The following DLX5 variants were observed in gnomAD, a reference collection of about 807,000 sequenced individuals.
DLX5 encodes distal-less homeobox 5, also known as homeobox protein DLX-5.
Under a neutral mutation model 27.1 loss-of-function variants are expected in DLX5, and 8 were observed. That is an observed-to-expected ratio of 0.30 (90% CI 0.17 to 0.53). The LOEUF (loss-of-function observed/expected upper bound fraction) is 0.53. DLX5 is among the 20% of genes least tolerant of loss of function. The pLI is 0.95. For synonymous variants in DLX5, 178 were observed against 161.9 expected (o/e 1.10, Z -0.75); for missense variants, 339 against 375.1 (o/e 0.90, Z 0.80).
At chr7:97,021,998 G>A in intron 2 of DLX5, 187 bp downstream of exon 2, 1 of 693,668 alleles carries the variant, frequency 1.4e-6, no homozygotes, top group Non-Finnish European at 2.4e-6. Context: ...CCAGACCGCT[G>A]ATGAATACCA....
chr7:97,020,813 T>C lies in DLX5; in HGVS notation c.793A>G (p.Ser265Gly), dbSNP rs1562795806. ...GGCGGCAGGTGGGAATTGATTGAGC[T>C]GGCTGCACTTGTGTACCAGGATGCA... is the stretch of plus-strand genomic sequence containing the variant. ...NSASWYTSAA[S>G]SINSHLPPPG... The change falls in exon 3 of 3, where the codon AGC becomes GGC. Residue 265 changes from serine (S) to glycine (G), a missense_variant. Physicochemically the swap from Ser to Gly is moderately conservative, Grantham distance 56. Coordinates refer to ENST00000648378, the MANE Select transcript of DLX5 (RefSeq NM_005221.6). 1.2e-6 allele frequency: 2 copies of C among 1,613,256 alleles called. No homozygotes were observed. The highest frequency in any genetic ancestry group is 1.1e-5 in the South Asian group (1 of 91,026).
In DLX5 at chr7:97,022,030, A is replaced by G. The variant is rs1790077108; in HGVS notation, c.540+155T>C. On this transcript the variant is annotated intron_variant, in intron 2 of 2. Transcript: ENST00000648378. ...ACCATCCCCACCGTCTCAAGGCCTG[A>G]CTCACCGAGTTAAAGCATAGGGGCT... 3 of 847,390 alleles carry G rather than the reference A, an allele frequency of 3.5e-6. No individual in the cohort carries two copies. In the East Asian group the frequency reaches 7.8e-5, roughly 22 times the overall value. The allele number at this position is 847,390 out of a possible 1,614,324, so 52.5% of individuals were successfully genotyped here.
chr7:97,021,127 G>T, intron 2 of DLX5, 62 bp from the exon 3 acceptor site: 1 of 1,497,156 alleles, frequency 6.7e-7, no homozygotes, highest in Non-Finnish European at 9.0e-7. Flanking sequence ...CGCCTTCCCC[G>T]GGGCGGCGAC....
intron 1 of DLX5, among the ~76,000 whole-genome samples, chr7:97,023,628 GA>G (rs930581827): frequency 5.3e-5 from 8 of 151,088 alleles, no homozygotes; most frequent in African/African-American, 1.7e-4. Flanking sequence ...TATGGAGACA[GA>G]AAAAAAAATC....
rs1158529227 is a variant in DLX5 at position 97,020,624 on chromosome 7, A to G, written c.*112T>C. ...TTACATGCAAAAAAAAGCTTTACAC[A>G]TGAATCTTTTTCAGTTTTCCGAACT... On this transcript the variant is annotated 3_prime_UTR_variant, in exon 3 of 3. Coordinates refer to ENST00000648378, the MANE Select transcript of DLX5 (RefSeq NM_005221.6). 1 of 1,133,650 alleles carries G rather than the reference A, an allele frequency of 8.8e-7. No homozygotes were observed. Among genetic ancestry groups the G allele is most frequent in the Non-Finnish European group, 1.2e-6 (1 of 837,000 alleles). 70.2% of individuals were successfully genotyped at this position (1,133,650 alleles called of 1,614,324 possible).
In DLX5 at chr7:97,020,846, C is replaced by G. The variant is rs199725569; in HGVS notation, c.760G>C (p.Glu254Gln). Residue 254 changes from glutamate (E) to glutamine (Q), a missense_variant, in exon 3 of 3, where the codon GAG (glutamate) becomes CAG (glutamine). This residue lies in a region of DLX5 where 136 missense variants were observed against 130.3 expected (regional missense o/e 1.04). Coordinates refer to ENST00000648378, the MANE Select transcript of DLX5 (RefSeq NM_005221.6). The stretch of plus-strand genomic sequence containing the variant: ...CTTGTGTACCAGGATGCAGAGTTCT[C>G]CAGGTAGCTGGACGCTGGGGACTGG... Reference protein sequence around the residue: ...SNQSPASSYLENSASWYTSAA... With the variant: ...SNQSPASSYLQNSASWYTSAA... 40 of 1,614,028 alleles carry G rather than the reference C, an allele frequency of 2.5e-5. No individual in the cohort carries two copies. The highest frequency in any genetic ancestry group is 3.0e-5 in the Non-Finnish European group (35 of 1,180,028).
rs1273414114 is a variant in DLX5, at chr7:97,024,743, AGAG to A, written c.-123_-121del. On this transcript the variant is annotated 5_prime_UTR_variant, in exon 1 of 3. Transcript: ENST00000648378. This position sits in a 1 kb window ranked among gnomAD's most constrained non-coding sequence, Gnocchi z 4.6. ...CTGTGGGAGCGAGGGAGGAGGAGGA[AGAG>A]GAGGAGGAGAGAAGGAGGAGGCGGC... 9.8e-5 allele frequency: 87 copies of A among 884,848 alleles called. No individual in the cohort carries two copies. The highest frequency in any genetic ancestry group is 9.6e-4 in the South Asian group (55 of 57,266). 54.8% of individuals were successfully genotyped at this position (884,848 alleles called of 1,614,324 possible). A position where few individuals can be genotyped will look rare whatever the true frequency, so the allele number is the denominator to read the frequency against.
In DLX5 at chr7:97,024,577, T is replaced by C. The variant is rs1209966732; in HGVS notation, c.47A>G (p.Asp16Gly). 5 of 1,607,820 alleles carry C rather than the reference T, an allele frequency of 3.1e-6. No homozygotes were observed. The highest frequency in any genetic ancestry group is 2.2e-5 in the East Asian group (1 of 44,648). The change falls in exon 1 of 3, where the codon GAC becomes GGC. Residue 16 changes from aspartate to glycine, a missense_variant. By Grantham distance (94) the Asp-to-Gly change is moderately conservative. This residue lies in a region of DLX5 where 188 missense variants were observed against 206.1 expected (regional missense o/e 0.91). Transcript: ENST00000648378. The surrounding 1 kb of genome is among the most constrained non-coding windows in gnomAD (Gnocchi z 4.6). ...DRRVPSIRSG[D>G]FQAPFQTSAA... ...GGACGTCTGGAACGGAGCTTGGAAG[T>C]CGCCGGATCGGATGCTGGGGACCCT...
Position 97,024,353 on chromosome 7 carries a change from C to T in DLX5, c.271G>A (p.Ala91Thr). The change falls in exon 1 of 3, where the codon GCT becomes ACT. Residue 91 changes from alanine to threonine, a missense_variant. Ala to Thr is a moderately conservative substitution (Grantham distance 58). Around this residue, in one of 3 missense-constraint regions of DLX5, gnomAD observed 188 missense variants for 206.1 expected, o/e 0.91. Coordinates refer to ENST00000648378, the MANE Select transcript of DLX5 (RefSeq NM_005221.6). This position sits in a 1 kb window ranked among gnomAD's most constrained non-coding sequence, Gnocchi z 4.6. ...CTAGCGTAGCTATAGTCGGCATAAG[C>T]TTTGGCTGGGTAGCTCCCGGCGGAG... ...NGSAGSYPAK[A>T]YADYSYASSY... 6.2e-7 allele frequency: 1 copy of T among 1,614,254 alleles called. No individual in the cohort carries two copies. Among genetic ancestry groups the T allele is most frequent in the Non-Finnish European group, 8.5e-7 (1 of 1,180,050 alleles).
Position 97,024,154 on chromosome 7 carries a change from G to T in DLX5, c.355+115C>A. ...GAGGGTCTGAGTCCTACTCCCTTCT[G>T]CCGCGTGCGCCCCCACTGCCGTGAA... On this transcript the variant is annotated intron_variant, in intron 1 of 2. Transcript: ENST00000648378. This position sits in a 1 kb window ranked among gnomAD's most constrained non-coding sequence, Gnocchi z 4.6. 1.0e-6 allele frequency: 1 copy of T among 954,100 alleles called. No individual in the cohort carries two copies. The highest frequency in any genetic ancestry group is 1.5e-6 in the Non-Finnish European group (1 of 650,902). The allele number at this position is 954,100 out of a possible 1,614,324, so 59.1% of individuals were successfully genotyped here.
chr7:97,021,612 GC>G (rs1480621892), intron 2 of DLX5, among the ~76,000 whole-genome samples: 1 of 152,158 alleles, frequency 6.6e-6, no homozygotes, highest in African/African-American at 2.4e-5. Context: ...GCTTCCGTAG[GC>G]CCCAGCTGGG....
chr7:97,020,503 T>C lies in DLX5; in HGVS notation c.*233A>G, dbSNP rs534291396. 3.4e-5 allele frequency: 14 copies of C among 408,122 alleles called. No individual in the cohort carries two copies. In the South Asian group the frequency reaches 3.5e-4, roughly 10 times the overall value. 25.3% of individuals were successfully genotyped at this position (408,122 alleles called of 1,614,324 possible). ...CATTGAAAAAAGTCTTTTGAAAAGTTGAGGTCATAGATTTCAAGGCACCAT... is the reference window on the plus strand; with the variant it reads ...CATTGAAAAAAGTCTTTTGAAAAGTCGAGGTCATAGATTTCAAGGCACCAT... On this transcript the variant is annotated 3_prime_UTR_variant, in exon 3 of 3. Coordinates refer to ENST00000648378, the MANE Select transcript of DLX5 (RefSeq NM_005221.6).
At chr7:97,021,099 A>G in intron 2 of DLX5, 34 bp from the exon 3 acceptor site, 1 of 1,567,532 alleles carries the variant, frequency 6.4e-7, no homozygotes, top group South Asian at 1.2e-5. Context: ...CGTTACCGGG[A>G]CACTCAGAGG....
At chr7:97,021,582 G>C (rs1185960631) in intron 2 of DLX5, among the ~76,000 whole-genome samples, 2 of 152,210 alleles carry the variant, frequency 1.3e-5, no homozygotes, top group Non-Finnish European at 2.9e-5. Context: ...GCTCTTGGCG[G>C]CGACTCGAAC....
At chr7:97,021,159 G>T in intron 2 of DLX5, 94 bp from the exon 3 acceptor site, 1 of 1,229,572 alleles carries the variant, frequency 8.1e-7, no homozygotes, top group Non-Finnish European at 1.1e-6. Context: ...TCGGACCTCT[G>T]GGCGGCCCAG....
Position 97,022,219 on chromosome 7 carries a change from T to G in DLX5, c.506A>C (p.Glu169Ala), listed in dbSNP as rs747888005. ...TQYLALPERA[E>A]LAASLGLTQT... ...TGTCAATCCCAGCGAGGCGGCCAGCTCGGCGCGTTCCGGCAAGGCGAGGTA... is the reference window on the plus strand; with the variant it reads ...TGTCAATCCCAGCGAGGCGGCCAGCGCGGCGCGTTCCGGCAAGGCGAGGTA... The change falls in exon 2 of 3, where the codon GAG (glutamate) becomes GCG (alanine). Residue 169 changes from glutamate to alanine, a missense_variant. This residue lies in a region of DLX5 where 15 missense variants were observed against 38.7 expected (regional missense o/e 0.39). Transcript: ENST00000648378. The G allele has an allele frequency of 6.8e-5, 109 of 1,614,118 alleles. No individual in the cohort carries two copies. The highest frequency in any genetic ancestry group is 8.7e-5 in the Non-Finnish European group (103 of 1,180,058).
intron 1 of DLX5, among the ~76,000 whole-genome samples, chr7:97,023,722 A>C (rs932299426): frequency 6.6e-6 from 1 of 151,720 alleles, no homozygotes; most frequent in Non-Finnish European, 1.5e-5. Context: ...TAAACCGCAA[A>C]ACTCTCGGCG....
intron 2 of DLX5, among the ~76,000 whole-genome samples, chr7:97,021,344 G>A (rs943578408): frequency 2.3e-4 from 35 of 152,200 alleles, no homozygotes; most frequent in Non-Finnish European, 4.7e-4. Context: ...GGACGCCAGC[G>A]CGGCGGGTGT....
In DLX5 at chr7:97,024,031, T is replaced by C. The variant is rs543706542; in HGVS notation, c.355+238A>G. On this transcript the variant is annotated intron_variant, in intron 1 of 2. Coordinates refer to ENST00000648378, the MANE Select transcript of DLX5 (RefSeq NM_005221.6). The surrounding 1 kb of genome is among the most constrained non-coding windows in gnomAD (Gnocchi z 4.6). ...CTGGGAATTCAGCGACTGAAGGGCC[T>C]TGGAAGGTGCCGGAGGGGAGAGACG... Among the ~76,000 whole-genome samples, 56 of 152,276 alleles carry C rather than the reference T, an allele frequency of 3.7e-4. No individual in the cohort carries two copies. The South Asian group carries it at 4.8e-3, about 13-fold the overall frequency.
Sources: gnomAD v4.1 joint callset for allele counts (sites outside exome capture counted in the v4.1 genomes callset) on GRCh38, gnomAD v4.1.1 for gene constraint, gnomAD v4.1.1 regional missense constraint, Gnocchi (gnomAD v3.1) non-coding constraint, MANE v1.5 for transcripts, NCBI Gene and HGNC (gene_info 2026-07-23, HGNC 2026-07-21) for gene names.